The following RPSA2 variants were observed in gnomAD, a reference collection of about 807,000 sequenced individuals.
RPSA2 encodes the protein ribosomal protein SA 2.
the RPSA2 span, among the ~76,000 whole-genome samples, chr19:23,848,424 C>T: frequency 6.6e-6 from 1 of 152,188 alleles, no homozygotes; most frequent in Admixed American, 6.5e-5. Context: ...CCAAACATTA[C>T]TACAATGGAG....
the RPSA2 span, among the ~76,000 whole-genome samples, chr19:23,857,500 TTTTTTTTG>T: frequency 4.2e-5 from 5 of 118,346 alleles, no homozygotes; most frequent in East Asian, 5.7e-4. Context: ...TTTTTTTTTT[TTTTTTTTG>T]AGATGGAGTT....
the RPSA2 span, among the ~76,000 whole-genome samples, chr19:23,870,912 G>T: frequency 2.0e-5 from 3 of 152,182 alleles, no homozygotes; most frequent in African/African-American, 4.8e-5. Flanking sequence ...ACTCACATCT[G>T]CACCTGACAC....
the RPSA2 span, among the ~76,000 whole-genome samples, chr19:23,830,094 A>C: frequency 6.6e-6 from 1 of 150,920 alleles, no homozygotes; most frequent in Non-Finnish European, 1.5e-5. Context: ...TGATGGTATA[A>C]TTCTCACTTA....
chr19:23,825,724 T>A, the RPSA2 span, among the ~76,000 whole-genome samples: 1 of 152,128 alleles, frequency 6.6e-6, no homozygotes, highest in Non-Finnish European at 1.5e-5. Context: ...GTAGCTGAGA[T>A]TACAGGCATG....
At chr19:23,816,543 A>C in the RPSA2 span, among the ~76,000 whole-genome samples, 17,897 of 151,764 alleles carry the variant, frequency 0.12, 1,123 homozygotes, top group East Asian at 0.22. Flanking sequence ...TATTGCCTTA[A>C]ATTTTATTTT....
At chr19:23,858,754 C>T in the RPSA2 span, among the ~76,000 whole-genome samples, 1 of 152,132 alleles carries the variant, frequency 6.6e-6, no homozygotes, top group South Asian at 2.1e-4. Flanking sequence ...CTTTGTAAAC[C>T]AGATGTAGAG....
chr19:23,824,570 T>C, the RPSA2 span, among the ~76,000 whole-genome samples: 1 of 128,320 alleles, frequency 7.8e-6, no homozygotes. Flanking sequence ...ATTGACTCAT[T>C]ATAGCATTTC....
At chr19:23,831,931 A>AC in the RPSA2 span, 4 of 314,272 alleles carry the variant, frequency 1.3e-5, no homozygotes, top group East Asian at 3.2e-4. Flanking sequence ...TTCACACAAA[A>AC]CCCAACATAA....
At chr19:23,849,847 C>T in the RPSA2 span, among the ~76,000 whole-genome samples, 3 of 151,902 alleles carry the variant, frequency 2.0e-5, no homozygotes, top group African/African-American at 7.3e-5. Context: ...TCAGATGGGC[C>T]CTCAACATTT....
chr19:23,830,794 A>T, the RPSA2 span, among the ~76,000 whole-genome samples: 148,822 of 152,146 alleles, frequency 0.98, 72,877 homozygotes, highest in Middle Eastern at 1. Context: ...TTTCAGAAAA[A>T]TTTATAATAT....
At chr19:23,768,846 T>C in the RPSA2 span, among the ~76,000 whole-genome samples, 1 of 151,346 alleles carries the variant, frequency 6.6e-6, no homozygotes, top group Non-Finnish European at 1.5e-5. Context: ...CCTCAACCTC[T>C]TAAAGTGATG....
chr19:23,765,112 T>A, the RPSA2 span, among the ~76,000 whole-genome samples: 2 of 152,218 alleles, frequency 1.3e-5, no homozygotes, highest in African/African-American at 2.4e-5. Flanking sequence ...AATTTCCTTG[T>A]ATACTATTTG....
the RPSA2 span, among the ~76,000 whole-genome samples, chr19:23,855,014 A>G: frequency 1.3e-5 from 2 of 152,306 alleles, no homozygotes; most frequent in East Asian, 3.9e-4. Flanking sequence ...TTGTAATTTA[A>G]CCAAAAAATC....
At chr19:23,844,499 G>T in the RPSA2 span, among the ~76,000 whole-genome samples, 124 of 152,178 alleles carry the variant, frequency 8.1e-4, no homozygotes, top group Middle Eastern at 6.8e-3. Context: ...ATTGAAAAGT[G>T]CTTAGTAATG....
chr19:23,761,920 CTTTT>C, the RPSA2 span, among the ~76,000 whole-genome samples: 2 of 32,458 alleles, frequency 6.2e-5, no homozygotes, highest in African/African-American at 1.9e-4. Flanking sequence ...TTCTTTCTTT[CTTTT>C]TTTTTTTTTT....
chr19:23,812,618 C>T, the RPSA2 span, among the ~76,000 whole-genome samples: 1,074 of 152,120 alleles, frequency 7.1e-3, 1 homozygote, highest in Non-Finnish European at 0.01. Flanking sequence ...AGGCTGGTCT[C>T]GGATTCCTGA....
At chr19:23,868,957 C>G in the RPSA2 span, among the ~76,000 whole-genome samples, 1 of 152,156 alleles carries the variant, frequency 6.6e-6, no homozygotes, top group African/African-American at 2.4e-5. Flanking sequence ...CTCAAGAAAA[C>G]CATGCAGGAA....
At chr19:23,833,018 C>T in the RPSA2 span, 1 of 1,403,552 alleles carries the variant, frequency 7.1e-7, no homozygotes, top group South Asian at 1.3e-5. Flanking sequence ...TCAATTTTTG[C>T]TAACCATAAG....
At chr19:23,777,419 T>C in the RPSA2 span, among the ~76,000 whole-genome samples, 1 of 152,314 alleles carries the variant, frequency 6.6e-6, no homozygotes, top group African/African-American at 2.4e-5. Context: ...CACTTATGCC[T>C]GGGCCTTGAT....
Sources: gnomAD v4.1 joint callset for allele counts (sites outside exome capture counted in the v4.1 genomes callset) on GRCh38, gnomAD v4.1.1 for gene constraint, MANE v1.5 for transcripts, NCBI Gene and HGNC (gene_info 2026-07-23, HGNC 2026-07-21) for gene names.